PREP: variants seen among roughly 807,000 people sequenced by gnomAD.
The protein encoded by PREP is dJ355L5.1 (prolyl endopeptidase).
PREP carries 29 observed loss-of-function variants against 87.6 expected under a neutral mutation model. That is an observed-to-expected ratio of 0.33 (90% CI 0.25 to 0.45). The LOEUF (loss-of-function observed/expected upper bound fraction) is 0.45. Ranked by LOEUF, PREP falls within the 20% of genes least tolerant of loss-of-function variation. The probability of loss-of-function intolerance (pLI) is 1.00; values close to 1 mark genes in which losing one functional copy is unlikely to be tolerated. For synonymous variants in PREP, 337 were observed against 328.6 expected, an observed-to-expected ratio of 1.03 and a Z score of -0.28; for missense variants, 695 against 886.5, an observed-to-expected ratio of 0.78 and a Z score of 2.74.
chr6:105,330,197 C>T (rs1771288645), intron 8 of PREP, among the ~76,000 whole-genome samples: 1 of 152,120 alleles, frequency 6.6e-6, no homozygotes, highest in African/African-American at 2.4e-5. Context: ...ACTGTCTGAA[C>T]ACAAGGGCAA....
At chr6:105,332,368 T>C (rs1771357393) in intron 8 of PREP, among the ~76,000 whole-genome samples, 1 of 152,080 alleles carries the variant, frequency 6.6e-6, no homozygotes, top group Non-Finnish European at 1.5e-5. Context: ...AAGGGAGAAA[T>C]AGTTCCTTAT....
chr6:105,332,865 A>C (rs1771374191), intron 8 of PREP, among the ~76,000 whole-genome samples: 1 of 152,224 alleles, frequency 6.6e-6, no homozygotes, highest in African/African-American at 2.4e-5. Context: ...ATCTGACAAT[A>C]GTCTATTCCC....
intron 2 of PREP, among the ~76,000 whole-genome samples, chr6:105,378,304 C>T (rs1291502795): frequency 1.3e-5 from 2 of 152,102 alleles, no homozygotes; most frequent in Non-Finnish European, 2.9e-5. Context: ...ACTAAAAATA[C>T]AAAAATTTGT....
intron 10 of PREP, chr6:105,302,946 A>G (rs1284122834): frequency 4.8e-6 from 1 of 210,208 alleles, no homozygotes; most frequent in African/African-American, 2.4e-5. Context: ...CCTCTCCCAC[A>G]CCATCTTATC....
intron 10 of PREP, chr6:105,302,728 G>C (rs755044073): frequency 3.5e-5 from 18 of 510,556 alleles, no homozygotes; most frequent in Non-Finnish European, 6.5e-5. Flanking sequence ...CAGTGGCGAT[G>C]CGCAGCTGGG....
chr6:105,395,589 T>G (rs1469130912), intron 2 of PREP, among the ~76,000 whole-genome samples: 1 of 80,130 alleles, frequency 1.2e-5, no homozygotes, highest in African/African-American at 1.1e-4. Flanking sequence ...TCCAATGTCT[T>G]AGTTTCTATC....
intron 2 of PREP, among the ~76,000 whole-genome samples, chr6:105,388,512 C>T (rs973843358): frequency 2.0e-5 from 3 of 151,954 alleles, no homozygotes; most frequent in Admixed American, 6.6e-5. Flanking sequence ...GAAAAGGGAA[C>T]GTAGTGATTA....
rs375090349 is a variant in PREP at position 105,376,102 on chromosome 6, G to A, written c.385+23C>T. The A allele has an allele frequency of 1.0e-4, 160 of 1,603,398 alleles. 1 individual carries two copies. Among genetic ancestry groups the A allele is most frequent in the South Asian group, 5.9e-4 (52 of 88,784 alleles). ...CAAGTGAGGGTCTTAGGAGTTCCAC[G>A]GGCCTCTCTGTGTAGCACTTACCTC... On this transcript the variant is annotated intron_variant, in intron 4 of 14. Transcript: ENST00000652536.
chr6:105,396,319 C>A (rs1485979559), intron 2 of PREP, among the ~76,000 whole-genome samples: 2 of 152,184 alleles, frequency 1.3e-5, no homozygotes, highest in African/African-American at 4.8e-5. Flanking sequence ...GTTGTAAGAG[C>A]TTTGCAGTGG....
At position 105,276,227 on chromosome 6, in the gene PREP, G is replaced by GTAAC. The variant is rs1381639567; in HGVS notation, c.*1913_*1916dup. Among the ~76,000 whole-genome samples, 1 of 152,186 alleles carries GTAAC rather than the reference G, an allele frequency of 6.6e-6. No homozygotes were observed. The highest frequency in any genetic ancestry group is 2.4e-5 in the African/African-American group (1 of 41,444). On this transcript the variant is annotated 3_prime_UTR_variant, in exon 15 of 15. Coordinates refer to ENST00000652536, the MANE Select transcript of PREP (RefSeq NM_002726.5). ...AAAATTAGGTTGGAAAAGAGAACTC[G>GTAAC]TAACTGGAGGCCAATCATGCTAGGC... is the stretch of plus-strand genomic sequence containing the variant.
intron 12 of PREP, 53 bp from the exon 13 acceptor site, chr6:105,282,635 TTAATC>T (rs1770108423): frequency 3.8e-6 from 6 of 1,586,476 alleles, no homozygotes; most frequent in Middle Eastern, 1.7e-4. Flanking sequence ...AAAAATAAGT[TTAATC>T]TAATGGGAAT....
intron 6 of PREP, among the ~76,000 whole-genome samples, chr6:105,354,399 T>G (rs1772038322): frequency 2.0e-5 from 3 of 152,222 alleles, no homozygotes; most frequent in Admixed American, 1.3e-4. Flanking sequence ...ACACTCTTAC[T>G]TAGCAATACC....
chr6:105,300,263 G>A lies in PREP; in HGVS notation c.1318-11369C>T, dbSNP rs375570260. Among the ~76,000 whole-genome samples, 193 of 152,320 alleles carry A rather than the reference G, an allele frequency of 1.3e-3. 4 individuals carry two copies. The South Asian group carries it at 0.039, about 30-fold the overall frequency. On this transcript the variant is annotated intron_variant, in intron 10 of 14. Transcript: ENST00000652536. Reference sequence around the variant, plus strand: ...TTCAAAAGCGATATTCCAGATACAAGAGGGGCTGCTGTTACTATTTTAGCA... The same window carrying A: ...TTCAAAAGCGATATTCCAGATACAAAAGGGGCTGCTGTTACTATTTTAGCA...
chr6:105,376,133 G>A lies in PREP; in HGVS notation c.377C>T (p.Ala126Val). 6.2e-7 allele frequency: 1 copy of A among 1,613,364 alleles called. No homozygotes were observed. Among genetic ancestry groups the A allele is most frequent in the Non-Finnish European group, 8.5e-7 (1 of 1,179,596 alleles). ...PNILSDDGTV[A>V]LRGYAFSEDG... The stretch of plus-strand genomic sequence containing the variant: ...CTCTGTGTAGCACTTACCTCGGAGT[G>A]CCACTGTGCCATCGTCAGACAGTAT... Residue 126 changes from alanine to valine, a missense_variant, in exon 4 of 15, where the codon GCA becomes GTA. This residue lies in a region of PREP where 517 missense variants were observed against 620.3 expected (regional missense o/e 0.83). Coordinates refer to ENST00000652536, the MANE Select transcript of PREP (RefSeq NM_002726.5).
At chr6:105,376,045 G>A (rs961716681) in intron 4 of PREP, 80 bp downstream of exon 4, 1 of 1,493,896 alleles carries the variant, frequency 6.7e-7, no homozygotes, top group East Asian at 2.3e-5. Context: ...TGGCATTTCA[G>A]AGGTAAAGCA....
intron 14 of PREP, chr6:105,280,620 G>C (rs1347244849): frequency 2.0e-5 from 3 of 151,662 alleles, no homozygotes; most frequent in Admixed American, 6.6e-5. Context: ...TTTTGAGACA[G>C]GGTCTTGGAA....
intron 10 of PREP, among the ~76,000 whole-genome samples, chr6:105,295,257 A>G (rs1010164941): frequency 2.6e-5 from 4 of 151,340 alleles, no homozygotes; most frequent in Non-Finnish European, 5.9e-5. Context: ...AGCTCCTGGT[A>G]AAGCTTCTGC....
intron 2 of PREP, among the ~76,000 whole-genome samples, chr6:105,384,265 C>T (rs1207623934): frequency 6.6e-6 from 1 of 152,118 alleles, no homozygotes; most frequent in East Asian, 1.9e-4. Context: ...CTCTTCCAGT[C>T]CTGCACTACT....
chr6:105,362,231 C>A (rs1195315808), intron 6 of PREP, among the ~76,000 whole-genome samples: 1 of 152,162 alleles, frequency 6.6e-6, no homozygotes, highest in Non-Finnish European at 1.5e-5. Flanking sequence ...GAGGCCGAGG[C>A]AGCCGAATCA....
Sources: gnomAD v4.1 joint callset for allele counts (sites outside exome capture counted in the v4.1 genomes callset) on GRCh38, gnomAD v4.1.1 for gene constraint, gnomAD v4.1.1 regional missense constraint, MANE v1.5 for transcripts, NCBI Gene and HGNC (gene_info 2026-07-23, HGNC 2026-07-21) for gene names.